SND1: variants seen among roughly 807,000 people sequenced by gnomAD.
The protein encoded by SND1 is staphylococcal nuclease domain-containing protein 1.
In SND1, 38 loss-of-function variants were observed where a neutral mutation model predicts 121.7. That is an observed-to-expected ratio of 0.31 (90% CI 0.24 to 0.41). The LOEUF (loss-of-function observed/expected upper bound fraction) is 0.41. Among genes scored for constraint, SND1 ranks in the 10% least tolerant of loss-of-function variants. The pLI is 1.00. For synonymous variants in SND1, 401 were observed against 447.4 expected (o/e 0.90, Z 1.31); for missense variants, 868 against 1,184.6 (o/e 0.73, Z 3.92).
At position 128,022,294 on chromosome 7, in the gene SND1, T is replaced by C. The variant is rs117663639; in HGVS notation, c.1779+31238T>C. ...GTTTCTTTGGCATCCTATAATTGAT[T>C]TAAACTGTAGTAATTACTCTAGTAA... On this transcript the variant is annotated intron_variant, in intron 16 of 23. Coordinates refer to ENST00000354725, the MANE Select transcript of SND1 (RefSeq NM_014390.4). 3.0e-3 allele frequency among the ~76,000 whole-genome samples: 459 copies of C among 152,170 alleles called. 1 individual carries two copies. Among genetic ancestry groups the C allele is most frequent in the Non-Finnish European group, 4.5e-3 (304 of 68,008 alleles).
At chr7:127,942,102 G>C (rs1801226659) in intron 15 of SND1, among the ~76,000 whole-genome samples, 1 of 151,890 alleles carries the variant, frequency 6.6e-6, no homozygotes. Context: ...TGGTGGGTGG[G>C]AAGACATGGT....
chr7:127,977,120 G>A (rs536954210), intron 15 of SND1, among the ~76,000 whole-genome samples: 12 of 152,250 alleles, frequency 7.9e-5, no homozygotes, highest in Admixed American at 4.6e-4. Flanking sequence ...GAACGCTTCC[G>A]GAGTCGGCTC....
At chr7:127,764,141 A>C (rs954094861) in intron 10 of SND1, among the ~76,000 whole-genome samples, 1 of 152,208 alleles carries the variant, frequency 6.6e-6, no homozygotes, top group Non-Finnish European at 1.5e-5. Context: ...ATTAATTTCA[A>C]ATAATGATAC....
intron 13 of SND1, 115 bp from the exon 14 acceptor site, chr7:127,904,632 T>C: frequency 3.0e-6 from 2 of 667,142 alleles, no homozygotes; most frequent in Non-Finnish European, 5.6e-6. Flanking sequence ...GTGTGACTTG[T>C]GTAGTCATAC....
At chr7:127,924,119 G>GT (rs1173366775) in intron 14 of SND1, among the ~76,000 whole-genome samples, 40 of 152,034 alleles carry the variant, frequency 2.6e-4, no homozygotes, top group Admixed American at 1.7e-3. Context: ...GGACCAAGCA[G>GT]TACAGAGAGC....
chr7:127,860,391 G>T (rs1799354282), intron 12 of SND1, among the ~76,000 whole-genome samples: 1 of 152,174 alleles, frequency 6.6e-6, no homozygotes, highest in African/African-American at 2.4e-5. Context: ...TAGTTTGCTT[G>T]GAAGTCTGGA....
chr7:127,963,651 C>G (rs543121147), intron 15 of SND1, among the ~76,000 whole-genome samples: 778 of 40,606 alleles, frequency 0.019, 17 homozygotes, highest in Middle Eastern at 0.03. Context: ...TCCAGTCTAT[C>G]ATTGTTGGAC....
intron 16 of SND1, among the ~76,000 whole-genome samples, chr7:128,064,310 T>C (rs1176258018): frequency 6.6e-6 from 1 of 152,182 alleles, no homozygotes; most frequent in Non-Finnish European, 1.5e-5. Flanking sequence ...GGTGCTGCAC[T>C]GCCTGTGATG....
chr7:127,682,105 T>C (rs1330337464), intron 1 of SND1, among the ~76,000 whole-genome samples: 2 of 152,206 alleles, frequency 1.3e-5, no homozygotes, highest in Admixed American at 6.5e-5. Context: ...TTTTCTGTCT[T>C]GTTGTGTCAT....
intron 12 of SND1, among the ~76,000 whole-genome samples, chr7:127,845,085 T>C (rs1441624852): frequency 1.3e-5 from 2 of 152,260 alleles, no homozygotes; most frequent in African/African-American, 2.4e-5. Flanking sequence ...AACAATCTTA[T>C]ATGCTAGTTG....
intron 15 of SND1, among the ~76,000 whole-genome samples, chr7:127,983,935 C>T (rs1411336101): frequency 6.6e-6 from 1 of 152,186 alleles, no homozygotes; most frequent in African/African-American, 2.4e-5. Context: ...AATTACACCC[C>T]CTGTTTTCAG....
At chr7:127,680,643 G>A (rs931947619) in intron 1 of SND1, among the ~76,000 whole-genome samples, 11 of 151,748 alleles carry the variant, frequency 7.2e-5, no homozygotes, top group East Asian at 1.9e-4. Context: ...TTCCCTGAAC[G>A]TTGCTGTTAT....
intron 1 of SND1, among the ~76,000 whole-genome samples, chr7:127,670,653 A>G (rs1196370445): frequency 6.6e-6 from 1 of 152,130 alleles, no homozygotes; most frequent in South Asian, 2.1e-4. Flanking sequence ...AAACCTAATT[A>G]GATCACATTT....
chr7:127,834,115 G>T (rs1798821242), intron 11 of SND1, among the ~76,000 whole-genome samples: 1 of 152,078 alleles, frequency 6.6e-6, no homozygotes, highest in Admixed American at 6.5e-5. Context: ...TATGTCAGTT[G>T]CTTCCACCTT....
chr7:127,762,936 A>G (rs1797332316), intron 10 of SND1, among the ~76,000 whole-genome samples: 1 of 152,214 alleles, frequency 6.6e-6, no homozygotes, highest in Non-Finnish European at 1.5e-5. Context: ...TCAAATGTAC[A>G]TAATCTGTAT....
chr7:127,885,065 G>A (rs1799869218), intron 12 of SND1, among the ~76,000 whole-genome samples: 1 of 152,080 alleles, frequency 6.6e-6, no homozygotes, highest in African/African-American at 2.4e-5. Flanking sequence ...TACCTTGTAT[G>A]AGTGATCATC....
At chr7:128,049,896 A>T (rs1229091426) in intron 16 of SND1, among the ~76,000 whole-genome samples, 1 of 152,198 alleles carries the variant, frequency 6.6e-6, no homozygotes, top group African/African-American at 2.4e-5. Context: ...ATGTCTTAGA[A>T]TCATCAAGTG....
chr7:128,076,159 T>C (rs1038054711), intron 17 of SND1, among the ~76,000 whole-genome samples: 2 of 152,124 alleles, frequency 1.3e-5, no homozygotes, highest in African/African-American at 4.8e-5. Flanking sequence ...GTAGAGACTC[T>C]AGAGGAACCC....
chr7:127,951,117 C>T (rs1247559159), intron 15 of SND1, among the ~76,000 whole-genome samples: 1 of 152,122 alleles, frequency 6.6e-6, no homozygotes, highest in East Asian at 1.9e-4. Context: ...ACTTGCAGTC[C>T]CCTGTTCATT....
Sources: gnomAD v4.1 joint callset for allele counts (sites outside exome capture counted in the v4.1 genomes callset) on GRCh38, gnomAD v4.1.1 for gene constraint, MANE v1.5 for transcripts, NCBI Gene and HGNC (gene_info 2026-07-23, HGNC 2026-07-21) for gene names.